The following NCR1 variants were observed in gnomAD, a reference collection of about 807,000 sequenced individuals.
NCR1 encodes the protein natural cytotoxicity triggering receptor 1.
A neutral mutation model predicts 32.5 loss-of-function variants in NCR1; 30 were observed. The observed-to-expected ratio is 0.92, with a 90% CI of 0.69 to 1.25. The LOEUF (loss-of-function observed/expected upper bound fraction) is 1.25. Ranked by LOEUF, NCR1 falls within the 50% of genes most tolerant of loss-of-function variation. The probability of loss-of-function intolerance (pLI) is 0.00; values close to 1 mark genes in which losing one functional copy is unlikely to be tolerated. For missense variants in NCR1, 369 were observed against 380.7 expected, an observed-to-expected ratio of 0.97 and a Z score of 0.26; for synonymous variants, 169 against 143.4, an observed-to-expected ratio of 1.18 and a Z score of -1.28.
At chr19:54,908,575 GC>G (rs1183823170) in intron 3 of NCR1, among the ~76,000 whole-genome samples, 1 of 150,926 alleles carries the variant, frequency 6.6e-6, no homozygotes, top group African/African-American at 2.4e-5. Context: ...GGGCAGAGGC[GC>G]CCCCCCACCT....
At chr19:54,919,123 C>T (rs530767714), downstream of NCR1, among the ~76,000 whole-genome samples, 4 of 152,110 alleles carry the variant, frequency 2.6e-5, no homozygotes, top group Non-Finnish European at 5.9e-5. Context: ...ATAGACACCA[C>T]GTTTTCTTTA....
Position 54,909,422 on chromosome 19 carries a change from G to C in NCR1, c.533G>C (p.Gly178Ala). ...YGKVQAEFPL[G>A]PVTTAHRGTY... The stretch of plus-strand genomic sequence containing the variant: ...AAGGTCCAGGCGGAGTTCCCCCTGG[G>C]CCCTGTGACCACAGCCCACAGAGGG... The change falls in exon 4 of 7, where the codon GGC becomes GCC. Residue 178 changes from glycine (G) to alanine (A), a missense_variant. By Grantham distance (60) the Gly-to-Ala change is moderately conservative. Coordinates refer to ENST00000291890, the MANE Select transcript of NCR1 (RefSeq NM_004829.7). 2 of 1,613,634 alleles carry C rather than the reference G, an allele frequency of 1.2e-6. No individual in the cohort carries two copies. Among genetic ancestry groups the C allele is most frequent in the Non-Finnish European group, 1.7e-6 (2 of 1,180,002 alleles).
chr19:54,914,179 C>CT (rs901003519), downstream of NCR1, among the ~76,000 whole-genome samples: 14,447 of 92,386 alleles, frequency 0.16, 807 homozygotes, highest in East Asian at 0.32. Flanking sequence ...TTTTTTTTTT[C>CT]TTTTTTTTTG....
the NCR1 span, chr19:54,930,743 T>C: frequency 8.3e-7 from 1 of 1,200,444 alleles, no homozygotes; most frequent in Non-Finnish European, 1.2e-6. Context: ...TCCAACACTA[T>C]ATACCTTCCA....
chr19:54,927,953 C>T, the NCR1 span, among the ~76,000 whole-genome samples: 10,211 of 152,078 alleles, frequency 0.067, 350 homozygotes, highest in East Asian at 0.15. Flanking sequence ...TTAGGCAGGG[C>T]GTGGGGACAG....
the NCR1 span, among the ~76,000 whole-genome samples, chr19:54,899,994 T>G: frequency 6.6e-6 from 1 of 151,974 alleles, no homozygotes; most frequent in Non-Finnish European, 1.5e-5. Flanking sequence ...GGTTGAGGGA[T>G]AGTGAGAGAG....
chr19:54,925,004 C>G, the NCR1 span, among the ~76,000 whole-genome samples: 1 of 152,036 alleles, frequency 6.6e-6, no homozygotes, highest in South Asian at 2.1e-4. Context: ...CCAGAGTGAA[C>G]CCCAGGGTTA....
downstream of NCR1, among the ~76,000 whole-genome samples, chr19:54,917,321 C>A (rs1401153977): frequency 5.8e-5 from 8 of 139,068 alleles, no homozygotes; most frequent in African/African-American, 2.1e-4. Context: ...CAAAAAAAAA[C>A]AAAAACAAAA....
rs1361646443 is a variant in NCR1 at position 54,906,172 on chromosome 19, C to T, written c.-16C>T. On this transcript the variant is annotated 5_prime_UTR_variant, in exon 1 of 7. Coordinates refer to ENST00000291890, the MANE Select transcript of NCR1 (RefSeq NM_004829.7). ...CAGTCCCCACTGCTCAGCACTAGGCCGGCAGAATCTGAGCGATGTCTTCCA... is the reference window on the plus strand; with the variant it reads ...CAGTCCCCACTGCTCAGCACTAGGCTGGCAGAATCTGAGCGATGTCTTCCA... The T allele has an allele frequency of 5.0e-6, 8 of 1,613,990 alleles. No individual in the cohort carries two copies. Among genetic ancestry groups the T allele is most frequent in the East Asian group, 4.5e-5 (2 of 44,900 alleles).
chr19:54,905,726 G>A (rs1278939526), upstream of NCR1, among the ~76,000 whole-genome samples: 1 of 152,090 alleles, frequency 6.6e-6, no homozygotes, highest in Non-Finnish European at 1.5e-5. Flanking sequence ...CTCTTCCTCG[G>A]GGGGAACTGG....
chr19:54,934,637 G>T, the NCR1 span: 1 of 1,613,768 alleles, frequency 6.2e-7, no homozygotes, highest in Admixed American at 1.7e-5. This position sits in a 1 kb window ranked among gnomAD's most constrained non-coding sequence, Gnocchi z 6.7. Context: ...CACTGCTCCG[G>T]GGTGGCACAG....
At chr19:54,898,259 G>A in the NCR1 span, among the ~76,000 whole-genome samples, 1 of 152,186 alleles carries the variant, frequency 6.6e-6, no homozygotes, top group African/African-American at 2.4e-5. Context: ...TTTTCAGTGG[G>A]GTCCCGCACA....
chr19:54,931,173 C>T, the NCR1 span, among the ~76,000 whole-genome samples: 1 of 152,212 alleles, frequency 6.6e-6, no homozygotes, highest in Admixed American at 6.6e-5. Context: ...CCTATAATCA[C>T]AGCAGTGGGA....
the NCR1 span, chr19:54,936,307 G>C: frequency 1.9e-6 from 3 of 1,613,946 alleles, no homozygotes; most frequent in South Asian, 3.3e-5. Flanking sequence ...AGGTCACACA[G>C]CATCAGCATC....
At chr19:54,930,420 C>T in the NCR1 span, 1 of 973,786 alleles carries the variant, frequency 1.0e-6, no homozygotes, top group Non-Finnish European at 1.6e-6. Context: ...CGTAATCACC[C>T]CACTGCACTC....
intron 3 of NCR1, among the ~76,000 whole-genome samples, chr19:54,907,844 G>C (rs1481306302): frequency 1.3e-5 from 2 of 151,994 alleles, no homozygotes; most frequent in African/African-American, 4.8e-5. Context: ...TGATTGATTA[G>C]GAAAAGTTAT....
the NCR1 span, among the ~76,000 whole-genome samples, chr19:54,922,210 C>G: frequency 6.6e-6 from 1 of 152,092 alleles, no homozygotes. Context: ...TTAAAATAGT[C>G]TCATCACCTA....
chr19:54,934,601 C>T, the NCR1 span: 2 of 1,613,978 alleles, frequency 1.2e-6, no homozygotes, highest in Non-Finnish European at 1.7e-6. This position sits in a 1 kb window ranked among gnomAD's most constrained non-coding sequence, Gnocchi z 6.7. Context: ...GACTGGTTGG[C>T]TTTGAGGACA....
the NCR1 span, among the ~76,000 whole-genome samples, chr19:54,929,787 C>G: frequency 1.1e-4 from 17 of 152,220 alleles, no homozygotes; most frequent in East Asian, 3.9e-4. Flanking sequence ...GATCTTAAAA[C>G]TGGATCCGAA....
Sources: allele counts gnomAD v4.1 joint callset (sites outside exome capture counted in the v4.1 genomes callset), GRCh38; gene constraint gnomAD v4.1.1; non-coding constraint Gnocchi (gnomAD v3.1); transcripts MANE v1.5; gene names NCBI Gene and HGNC (gene_info 2026-07-23, HGNC 2026-07-21).